Variants in TBC1D32 observed in about 807,000 individuals in gnomAD.
TBC1D32 encodes TBC1 domain family member 32, also known as protein broad-minded.
In TBC1D32, 151 loss-of-function variants were observed where a neutral mutation model predicts 170.3. The ratio of observed to expected loss-of-function variants is 0.89; its 90% CI spans 0.78 to 1.01. The LOEUF is 1.01. Among genes scored for constraint, TBC1D32 ranks in the 50% least tolerant of loss-of-function variants. TBC1D32 has a pLI of 0.00. For synonymous variants in TBC1D32, 498 were observed against 488.0 expected, an observed-to-expected ratio of 1.02 and a Z score of -0.27; for missense variants, 1,464 against 1,457.1, an observed-to-expected ratio of 1.00 and a Z score of -0.08.
At position 121,281,557 on chromosome 6, in the gene TBC1D32, A is replaced by G. The variant is rs774590000; in HGVS notation, c.1595T>C (p.Met532Thr). The G allele has an allele frequency of 6.2e-7, 1 of 1,605,778 alleles. No homozygotes were observed. Among genetic ancestry groups the G allele is most frequent in the South Asian group, 1.1e-5 (1 of 89,840 alleles). Residue 532 changes from methionine to threonine, a missense_variant, in exon 14 of 32, where the codon ATG becomes ACG. Transcript: ENST00000398212. The part of the protein sequence containing the change: ...ETLLQPIHNL[M>T]KGNEASPNCS... ...AATAATACGAACCTCATTTCCTTTC[A>G]TTAAATTGTGAATAGGCTGAAGAAG...
At chr6:121,127,502 G>C (rs906059621) in intron 25 of TBC1D32, among the ~76,000 whole-genome samples, 1 of 152,084 alleles carries the variant, frequency 6.6e-6, no homozygotes, top group African/African-American at 2.4e-5. Context: ...AGTATTGTAA[G>C]CTATTTATGT....
chr6:121,246,133 A>G (rs191040074), intron 17 of TBC1D32, among the ~76,000 whole-genome samples: 5 of 152,294 alleles, frequency 3.3e-5, no homozygotes, highest in Admixed American at 3.3e-4. Context: ...ATAAATAAAT[A>G]AAGTGTACAA....
intron 14 of TBC1D32, among the ~76,000 whole-genome samples, chr6:121,280,689 C>T (rs762307260): frequency 6.6e-6 from 1 of 151,318 alleles, no homozygotes; most frequent in Non-Finnish European, 1.5e-5. Context: ...TTAGAAAGTG[C>T]AAACTATCTA....
chr6:121,123,869 G>GT lies in TBC1D32; in HGVS notation c.2983+2508dup, dbSNP rs557364768. ...TATTTTTTTTGGGTATCTATTATAG[G>GT]TTTTTTTTTGTTTGTGTTTACCATG... On this transcript the variant is annotated intron_variant, in intron 26 of 31. Transcript: ENST00000398212. 2.1e-3 allele frequency among the ~76,000 whole-genome samples: 301 copies of GT among 146,678 alleles called. 1 individual carries two copies. Among genetic ancestry groups the GT allele is most frequent in the Middle Eastern group, 0.014 (4 of 282 alleles).
Position 121,276,278 on chromosome 6 carries a change from T to C in TBC1D32, c.1733+2843A>G, listed in dbSNP as rs574654354. ...GGGACAGAAGGGAGGAAATGACTTC[T>C]TATAAGGTCATTGCGCTAGATGTTA... On this transcript the variant is annotated intron_variant, in intron 15 of 31. Coordinates refer to ENST00000398212, the MANE Select transcript of TBC1D32 (RefSeq NM_152730.6). 6.6e-5 allele frequency among the ~76,000 whole-genome samples: 10 copies of C among 152,272 alleles called. No homozygotes were observed. In the South Asian group the frequency reaches 2.1e-3, roughly 32 times the overall value.
chr6:121,085,852 G>C (rs975513352), intron 31 of TBC1D32, among the ~76,000 whole-genome samples: 4 of 152,020 alleles, frequency 2.6e-5, no homozygotes, highest in Admixed American at 2.0e-4. Context: ...TTGTACCAGA[G>C]ACTTGACTTA....
chr6:121,189,211 AC>A (rs1472643907), intron 22 of TBC1D32, among the ~76,000 whole-genome samples: 1 of 152,062 alleles, frequency 6.6e-6, no homozygotes, highest in Non-Finnish European at 1.5e-5. Context: ...ACCATAGGAA[AC>A]TGGCATTTTT....
chr6:121,330,875 TTC>T (rs1811131223), intron 1 of TBC1D32, among the ~76,000 whole-genome samples: 1 of 152,148 alleles, frequency 6.6e-6, no homozygotes, highest in Non-Finnish European at 1.5e-5. Context: ...CAACGTACTC[TTC>T]TCTCTCTCCC....
intron 9 of TBC1D32, among the ~76,000 whole-genome samples, chr6:121,302,023 A>G (rs1400591034): frequency 6.6e-6 from 1 of 152,192 alleles, no homozygotes; most frequent in Non-Finnish European, 1.5e-5. Flanking sequence ...GTAGCTTAAA[A>G]TGTTTTCAAA....
chr6:121,159,970 G>A lies in TBC1D32; in HGVS notation c.2773+40C>T, dbSNP rs111575864. On this transcript the variant is annotated intron_variant, in intron 24 of 31. Coordinates refer to ENST00000398212, the MANE Select transcript of TBC1D32 (RefSeq NM_152730.6). Reference sequence around the variant, plus strand: ...TTCTTTTTTTCAAATTATAACAAAAGCTTTAAAAATAATATGGCATTTGAT... The same window carrying A: ...TTCTTTTTTTCAAATTATAACAAAAACTTTAAAAATAATATGGCATTTGAT... 8.8e-4 allele frequency: 1,199 copies of A among 1,355,578 alleles called. 9 individuals are homozygous for A. In the African/African-American group the frequency reaches 0.015, roughly 17 times the overall value. The allele number at this position is 1,355,578 out of a possible 1,614,324, so 84.0% of individuals were successfully genotyped here. A position where few individuals can be genotyped will look rare whatever the true frequency, so the allele number is the denominator to read the frequency against.
chr6:121,130,481 CA>C (rs1289520598), intron 25 of TBC1D32, among the ~76,000 whole-genome samples: 3 of 152,012 alleles, frequency 2.0e-5, no homozygotes, highest in Non-Finnish European at 4.4e-5. Context: ...GACTCTGTCT[CA>C]AAAACTAAAC....
chr6:121,091,045 TAAA>T lies in TBC1D32; in HGVS notation c.3466-7_3466-5del, dbSNP rs397887772. ...GGGTTATCCATTGCAGGCAAATCTT[TAAA>T]AAAAAAAAGTAGTAAGTTCATTAAA... is the stretch of plus-strand genomic sequence containing the variant. On this transcript the variant is annotated splice_polypyrimidine_tract_variant and splice_region_variant and intron_variant, in intron 30 of 31. Transcript: ENST00000398212. The T allele has an allele frequency of 7.7e-7, 1 of 1,304,552 alleles. No individual in the cohort carries two copies. Among genetic ancestry groups the T allele is most frequent in the East Asian group, 2.8e-5 (1 of 35,754 alleles). The allele number at this position is 1,304,552 out of a possible 1,614,324, so 80.8% of individuals were successfully genotyped here. A position where few individuals can be genotyped will look rare whatever the true frequency, so the allele number is the denominator to read the frequency against.
At chr6:121,232,896 T>C (rs10782210) in intron 20 of TBC1D32, among the ~76,000 whole-genome samples, 134,300 of 152,036 alleles carry the variant, frequency 0.88, 59,771 homozygotes, top group East Asian at 0.98. Context: ...TTGCTGTATC[T>C]AGAGGTTTTG....
Position 121,323,534 on chromosome 6 carries a change from C to T in TBC1D32, c.156-1740G>A, listed in dbSNP as rs150949314. 1.2e-4 allele frequency among the ~76,000 whole-genome samples: 18 copies of T among 152,286 alleles called. No homozygotes were observed. The East Asian group carries it at 3.5e-3, about 29-fold the overall frequency. On this transcript the variant is annotated intron_variant, in intron 1 of 31. Transcript: ENST00000398212. Reference sequence around the variant, plus strand: ...TCATGGTCAAATACTGCTTCCTTGGCCTGGACTTTAAATACCTAATCAATC... The same window carrying T: ...TCATGGTCAAATACTGCTTCCTTGGTCTGGACTTTAAATACCTAATCAATC...
At chr6:121,136,006 G>A (rs574706383) in intron 24 of TBC1D32, among the ~76,000 whole-genome samples, 2 of 152,142 alleles carry the variant, frequency 1.3e-5, no homozygotes, top group Non-Finnish European at 1.5e-5. Context: ...TCAATGTAAA[G>A]CTAATAATGT....
chr6:121,248,328 G>A (rs192721000), intron 17 of TBC1D32, among the ~76,000 whole-genome samples: 1,809 of 152,038 alleles, frequency 0.012, 48 homozygotes, highest in African/African-American at 0.042. Flanking sequence ...GTGTTAAAAG[G>A]AAAGTTCATA....
In TBC1D32 at chr6:121,318,805, G is replaced by A. The variant is rs553572460; in HGVS notation, c.318-1133C>T. On this transcript the variant is annotated intron_variant, in intron 2 of 31. Coordinates refer to ENST00000398212, the MANE Select transcript of TBC1D32 (RefSeq NM_152730.6). The stretch of plus-strand genomic sequence containing the variant: ...TGTGTGTATATATACATATATACAC[G>A]TATTTATTATCATTAAAATAATGAA... 8.0e-5 allele frequency among the ~76,000 whole-genome samples: 12 copies of A among 150,048 alleles called. 1 individual carries two copies. In the East Asian group the frequency reaches 1.2e-3, roughly 15 times the overall value.
chr6:121,195,709 C>G (rs1790638204), intron 22 of TBC1D32, among the ~76,000 whole-genome samples: 1 of 152,160 alleles, frequency 6.6e-6, no homozygotes, highest in African/African-American at 2.4e-5. Flanking sequence ...TCCCTATGAT[C>G]AGTTGACAGA....
chr6:121,098,882 A>T, intron 30 of TBC1D32, among the ~76,000 whole-genome samples: 1 of 151,934 alleles, frequency 6.6e-6, no homozygotes, highest in East Asian at 1.9e-4. Flanking sequence ...TATCATCTCA[A>T]GGCGCAACAT....
Sources: allele counts gnomAD v4.1 joint callset (sites outside exome capture counted in the v4.1 genomes callset), GRCh38; gene constraint gnomAD v4.1.1; transcripts MANE v1.5; gene names NCBI Gene and HGNC (gene_info 2026-07-23, HGNC 2026-07-21).